GRK7: variants seen among roughly 807,000 people sequenced by gnomAD.
The protein encoded by GRK7 is G protein-coupled receptor kinase 7.
In GRK7, 24 loss-of-function variants were observed where a neutral mutation model predicts 34.1. The ratio of observed to expected loss-of-function variants is 0.70; its 90% CI spans 0.51 to 0.99. GRK7 has a LOEUF of 0.99. Among genes scored for constraint, GRK7 ranks in the 50% least tolerant of loss-of-function variants. The pLI, the probability that GRK7 is intolerant of heterozygous loss-of-function variation, is 0.00. For missense variants in GRK7, 644 were observed against 707.3 expected (o/e 0.91, Z 1.02); for synonymous variants, 256 against 279.4 (o/e 0.92, Z 0.84).
Position 141,780,678 on chromosome 3 carries a change from A to G in GRK7, c.917A>G (p.His306Arg), listed in dbSNP as rs1577914875. Residue 306 changes from histidine to arginine, a missense_variant, in exon 4 of 6, where the codon CAC becomes CGC. Physicochemically the swap from His to Arg is conservative, Grantham distance 29 (BLOSUM62 0). Coordinates refer to ENST00000682958, the MANE Select transcript of GRK7 (RefSeq NM_139209.3). Reference protein sequence around the residue: ...YSAQIACGMLHLHELGIVYRD... With the variant: ...YSAQIACGMLRLHELGIVYRD... ...GCCCAGATAGCCTGTGGGATGCTGC[A>G]CCTCCATGAACTCGGCATCGTCTAT... 1 of 1,613,958 alleles carries G rather than the reference A, an allele frequency of 6.2e-7. No individual in the cohort carries two copies. The highest frequency in any genetic ancestry group is 1.3e-5 in the African/African-American group (1 of 74,874).
At chr3:141,811,173 C>T (rs956175771) in intron 5 of GRK7, among the ~76,000 whole-genome samples, 1 of 151,924 alleles carries the variant, frequency 6.6e-6, no homozygotes, top group Non-Finnish European at 1.5e-5. Context: ...AAAATATTAG[C>T]CGGGTGCAGT....
At chr3:141,796,981 T>A (rs562776224) in intron 4 of GRK7, among the ~76,000 whole-genome samples, 1 of 152,240 alleles carries the variant, frequency 6.6e-6, no homozygotes, top group South Asian at 2.1e-4. Context: ...CACAGTCCCA[T>A]AAGGCAAGAA....
At position 141,792,002 on chromosome 3, in the gene GRK7, TAAAAAAAA is replaced by T. The variant is rs11324121; in HGVS notation, c.1050+11208_1050+11215del. 2.1e-4 allele frequency among the ~76,000 whole-genome samples: 17 copies of T among 81,482 alleles called. 1 individual carries two copies. The highest frequency in any genetic ancestry group is 7.0e-4 in the African/African-American group (14 of 20,028). The allele number at this position is 81,482 out of a possible 152,430, so 53.5% of individuals were successfully genotyped here. On this transcript the variant is annotated intron_variant, in intron 4 of 5. Coordinates refer to ENST00000682958, the MANE Select transcript of GRK7 (RefSeq NM_139209.3). The stretch of plus-strand genomic sequence containing the variant: ...CTGGGAGACAGAGCGAGACTCCATC[TAAAAAAAA>T]AAAAAAAAAAAAAAAATTGAGGGAT...
chr3:141,780,941 G>GT lies in GRK7; in HGVS notation c.1050+132dup, dbSNP rs144773543. ...TGGTTTTTTTTCCTAAAGCGCTTACGTTGTCATCTTGCCTTAAGATGAGTG... is the reference window on the plus strand; with the variant it reads ...TGGTTTTTTTTCCTAAAGCGCTTACGTTTGTCATCTTGCCTTAAGATGAGTG... On this transcript the variant is annotated intron_variant, in intron 4 of 5. Coordinates refer to ENST00000682958, the MANE Select transcript of GRK7 (RefSeq NM_139209.3). 6.4e-3 allele frequency: 4,905 copies of GT among 770,376 alleles called. 154 individuals are homozygous for GT. The African/African-American group carries it at 0.077, about 12-fold the overall frequency. 47.7% of individuals were successfully genotyped at this position (770,376 alleles called of 1,614,324 possible).
At chr3:141,781,261 T>C (rs1472636547) in intron 4 of GRK7, among the ~76,000 whole-genome samples, 1 of 152,028 alleles carries the variant, frequency 6.6e-6, no homozygotes, top group East Asian at 1.9e-4. Context: ...TCCGGCTGGG[T>C]GTGATGGCTC....
At chr3:141,751,350 G>C in the GRK7 span, among the ~76,000 whole-genome samples, 1 of 151,680 alleles carries the variant, frequency 6.6e-6, no homozygotes, top group Non-Finnish European at 1.5e-5. Flanking sequence ...CTATATATGG[G>C]GCTTCACCAT....
At chr3:141,795,174 G>T (rs370527327) in intron 4 of GRK7, among the ~76,000 whole-genome samples, 45 of 152,178 alleles carry the variant, frequency 3.0e-4, no homozygotes, top group African/African-American at 1.0e-3. Flanking sequence ...AGAGGAAGGA[G>T]CATGCGCTAG....
At chr3:141,757,184 A>T in the GRK7 span, among the ~76,000 whole-genome samples, 1 of 132,054 alleles carries the variant, frequency 7.6e-6, no homozygotes. Flanking sequence ...GTTTTAGGGT[A>T]CATGTGCACA....
Position 141,780,710 on chromosome 3 carries a change from A to G in GRK7, c.949A>G (p.Met317Val), listed in dbSNP as rs1559841299. 6.2e-7 allele frequency: 1 copy of G among 1,614,232 alleles called. No individual in the cohort carries two copies. ...TGAACTCGGCATCGTCTATCGGGAC[A>G]TGAAGCCTGAGAATGTGCTTCTGGA... ...LHELGIVYRD[M>V]KPENVLLDDL... The change falls in exon 4 of 6, where the codon ATG becomes GTG. Residue 317 changes from methionine (M) to valine (V), a missense_variant. Transcript: ENST00000682958.
chr3:141,780,762 A>T lies in GRK7; in HGVS notation c.1001A>T (p.Asp334Val), dbSNP rs1451993019. 6.2e-7 allele frequency: 1 copy of T among 1,614,168 alleles called. No individual in the cohort carries two copies. Among genetic ancestry groups the T allele is most frequent in the Non-Finnish European group, 8.5e-7 (1 of 1,180,032 alleles). Reference sequence around the variant, plus strand: ...GACCTCGGCAACTGCAGGTTATCTGACCTGGGGCTGGCCGTGGAGATGAAG... The same window carrying T: ...GACCTCGGCAACTGCAGGTTATCTGTCCTGGGGCTGGCCGTGGAGATGAAG... ...LDDLGNCRLS[D>V]LGLAVEMKGG... Residue 334 changes from aspartate to valine, a missense_variant, in exon 4 of 6, where the codon GAC (aspartate) becomes GTC (valine). Transcript: ENST00000682958.
chr3:141,777,924 A>AT (rs1260785511), intron 2 of GRK7, among the ~76,000 whole-genome samples: 1 of 152,202 alleles, frequency 6.6e-6, no homozygotes, highest in African/African-American at 2.4e-5. Context: ...AAATTAGATG[A>AT]CAACGGTATG....
At chr3:141,800,380 TAAAA>T (rs5853047) in intron 4 of GRK7, among the ~76,000 whole-genome samples, 2,687 of 79,568 alleles carry the variant, frequency 0.034, 38 homozygotes, top group Non-Finnish European at 0.036. Flanking sequence ...TTGTCATTTG[TAAAA>T]AAAAAAAAAA....
At chr3:141,805,837 TAC>T (rs1711030620) in intron 4 of GRK7, among the ~76,000 whole-genome samples, 1 of 152,198 alleles carries the variant, frequency 6.6e-6, no homozygotes, top group Admixed American at 6.5e-5. Flanking sequence ...CTCACAAAGT[TAC>T]CCAGGCTAGA....
upstream of GRK7, among the ~76,000 whole-genome samples, chr3:141,762,633 T>C (rs1577907310): frequency 6.6e-6 from 1 of 151,926 alleles, no homozygotes; most frequent in Non-Finnish European, 1.5e-5. Flanking sequence ...TGAGCTGTGG[T>C]GGGCTCCACC....
At chr3:141,787,762 C>T (rs528888966) in intron 4 of GRK7, among the ~76,000 whole-genome samples, 2 of 151,770 alleles carry the variant, frequency 1.3e-5, no homozygotes, top group East Asian at 3.9e-4. Context: ...AATCCCAACA[C>T]TTTGGGAAGC....
chr3:141,807,868 A>G lies in GRK7; in HGVS notation c.1274A>G (p.Asp425Gly). The change falls in exon 5 of 6, where the codon GAT becomes GGT. Residue 425 changes from aspartate to glycine, a missense_variant. Asp to Gly is a moderately conservative substitution (Grantham distance 94, BLOSUM62 -1). Transcript: ENST00000682958. ...QHDNFTEEAK[D>G]ICRLFLAKKP... ...GATAACTTCACAGAGGAAGCAAAAG[A>G]TATTTGCAGGCTCTTCTTGGCTAAG... is the stretch of plus-strand genomic sequence containing the variant. 1 of 1,610,460 alleles carries G rather than the reference A, an allele frequency of 6.2e-7. No homozygotes were observed. Among genetic ancestry groups the G allele is most frequent in the Non-Finnish European group, 8.5e-7 (1 of 1,177,434 alleles).
chr3:141,767,418 G>A (rs1194960234), intron 1 of GRK7, among the ~76,000 whole-genome samples: 1 of 148,982 alleles, frequency 6.7e-6, no homozygotes, highest in Non-Finnish European at 1.5e-5. Context: ...TTTTTTTTGA[G>A]ACAGGGTCTC....
At chr3:141,785,957 C>A (rs1352214401) in intron 4 of GRK7, among the ~76,000 whole-genome samples, 2 of 147,212 alleles carry the variant, frequency 1.4e-5, no homozygotes, top group Non-Finnish European at 3.0e-5. Context: ...AAAAAAAAAT[C>A]TTTTGGCCTT....
At chr3:141,802,180 C>T (rs1710976310) in intron 4 of GRK7, among the ~76,000 whole-genome samples, 1 of 152,004 alleles carries the variant, frequency 6.6e-6, no homozygotes, top group Admixed American at 6.6e-5. Context: ...GAGAGAGACC[C>T]CGTCTGTACC....
Sources: allele counts gnomAD v4.1 joint callset (sites outside exome capture counted in the v4.1 genomes callset), GRCh38; gene constraint gnomAD v4.1.1; transcripts MANE v1.5; gene names NCBI Gene and HGNC (gene_info 2026-07-23, HGNC 2026-07-21).